TNIK: variants seen among roughly 807,000 people sequenced by gnomAD.
TNIK encodes the protein TRAF2 and NCK-interacting protein kinase.
A neutral mutation model predicts 191.3 loss-of-function variants in TNIK; 49 were observed. That is an observed-to-expected ratio of 0.26 (90% CI 0.20 to 0.32). The LOEUF (loss-of-function observed/expected upper bound fraction) is 0.32. TNIK is among the 10% of genes least tolerant of loss of function. The pLI is 1.00. For synonymous variants in TNIK, 594 were observed against 600.9 expected, an observed-to-expected ratio of 0.99 and a Z score of 0.17; for missense variants, 1,155 against 1,702.3, an observed-to-expected ratio of 0.68 and a Z score of 5.66.
chr3:171,129,728 G>A (rs532492017), intron 15 of TNIK, among the ~76,000 whole-genome samples: 4 of 152,278 alleles, frequency 2.6e-5, no homozygotes, highest in South Asian at 2.1e-4. Flanking sequence ...AGGGCTTCAC[G>A]GGAAATGCTG....
At chr3:171,076,339 G>A (rs1719934261) in intron 28 of TNIK, among the ~76,000 whole-genome samples, 1 of 152,112 alleles carries the variant, frequency 6.6e-6, no homozygotes, top group South Asian at 2.1e-4. Context: ...ATACACTGAA[G>A]TTCTTTCTTT....
intron 8 of TNIK, 90 bp downstream of exon 8, chr3:171,177,236 G>A (rs1736075039): frequency 7.2e-7 from 1 of 1,386,178 alleles, no homozygotes; most frequent in African/African-American, 1.4e-5. Context: ...CGGTGTAGTG[G>A]AAGTAAAGCA....
intron 2 of TNIK, among the ~76,000 whole-genome samples, chr3:171,359,519 C>T (rs1714658380): frequency 6.6e-6 from 1 of 152,116 alleles, no homozygotes; most frequent in South Asian, 2.1e-4. Context: ...TGTGCTTCTC[C>T]TTGCAAAGTG....
intron 1 of TNIK, among the ~76,000 whole-genome samples, chr3:171,372,816 C>T (rs1361935578): frequency 1.3e-5 from 2 of 152,296 alleles, no homozygotes; most frequent in East Asian, 1.9e-4. Context: ...ACACTACAAG[C>T]ACCATGGCTA....
At chr3:171,239,415 T>C (rs1433170298) in intron 2 of TNIK, among the ~76,000 whole-genome samples, 1 of 152,126 alleles carries the variant, frequency 6.6e-6, no homozygotes, top group Admixed American at 6.5e-5. Flanking sequence ...TTAGAAAAAA[T>C]AAATGAGCAG....
intron 3 of TNIK, among the ~76,000 whole-genome samples, chr3:171,214,771 A>G (rs1161661128): frequency 6.6e-6 from 1 of 152,078 alleles, no homozygotes; most frequent in East Asian, 1.9e-4. Flanking sequence ...TGGCATTTAA[A>G]CTCTCCAAAT....
chr3:171,228,720 G>A (rs1743250435), intron 2 of TNIK, among the ~76,000 whole-genome samples: 2 of 152,104 alleles, frequency 1.3e-5, no homozygotes, highest in South Asian at 4.1e-4. Flanking sequence ...AAAACAGATA[G>A]CAATCAATCC....
chr3:171,283,834 A>G (rs1750736680), intron 2 of TNIK, among the ~76,000 whole-genome samples: 1 of 152,222 alleles, frequency 6.6e-6, no homozygotes, highest in South Asian at 2.1e-4. Flanking sequence ...CAAGCAGAAC[A>G]ATCTCCTCAG....
At position 171,207,742 on chromosome 3, in the gene TNIK, CAAAGATAT is replaced by C. The variant is rs1212861071; in HGVS notation, c.306+3366_306+3373del. Among the ~76,000 whole-genome samples the C allele has an allele frequency of 1.3e-5, 2 of 152,142 alleles. 1 individual carries two copies. Among genetic ancestry groups the C allele is most frequent in the African/African-American group, 4.8e-5 (2 of 41,430 alleles). The stretch of plus-strand genomic sequence containing the variant: ...ACAATGTAGAAGTCCTTTGGAAACA[CAAAGATAT>C]GTTAACTCATGCCACCCCATCATAT... On this transcript the variant is annotated intron_variant, in intron 4 of 32. Coordinates refer to ENST00000436636, the MANE Select transcript of TNIK (RefSeq NM_015028.4).
At chr3:171,108,892 T>C (rs1725393032) in intron 19 of TNIK, among the ~76,000 whole-genome samples, 2 of 152,126 alleles carry the variant, frequency 1.3e-5, no homozygotes, top group Non-Finnish European at 2.9e-5. Flanking sequence ...ATAGCATCTT[T>C]GCAGTCTATG....
rs1015702674 is a variant in TNIK at position 171,366,256 on chromosome 3, C to T, written c.123+3364G>A. Among the ~76,000 whole-genome samples, 39 of 151,902 alleles carry T rather than the reference C, an allele frequency of 2.6e-4. No individual in the cohort carries two copies. Among genetic ancestry groups the T allele is most frequent in the African/African-American group, 9.2e-4 (38 of 41,334 alleles). On this transcript the variant is annotated intron_variant, in intron 2 of 32. Transcript: ENST00000436636. This position sits in a 1 kb window ranked among gnomAD's most constrained non-coding sequence, Gnocchi z 4.1. ...TTCTTTATTATTTACCTATGCTCCT[C>T]GGTAAATAAAGCAAAAAACAGACAT...
intron 4 of TNIK, among the ~76,000 whole-genome samples, chr3:171,199,648 G>T (rs752858421): frequency 5.3e-5 from 8 of 152,152 alleles, no homozygotes; most frequent in Non-Finnish European, 1.0e-4. Context: ...GTGAAAGCAC[G>T]TTGCTCTCTC....
chr3:171,148,669 C>T (rs1731973901), intron 12 of TNIK, among the ~76,000 whole-genome samples: 1 of 152,102 alleles, frequency 6.6e-6, no homozygotes, highest in Non-Finnish European at 1.5e-5. Context: ...ACTAAAGATG[C>T]TAACTTATAC....
intron 4 of TNIK, among the ~76,000 whole-genome samples, chr3:171,206,078 T>C (rs1025371820): frequency 6.6e-6 from 1 of 152,170 alleles, no homozygotes; most frequent in South Asian, 2.1e-4. Context: ...GCTTCCAGCA[T>C]CCTCTGTAAT....
intron 3 of TNIK, among the ~76,000 whole-genome samples, chr3:171,217,688 C>T (rs1204078114): frequency 1.3e-5 from 2 of 152,116 alleles, no homozygotes; most frequent in Non-Finnish European, 2.9e-5. Context: ...AAGCTTACTA[C>T]AGTTTAGTGG....
At chr3:171,065,633 T>C (rs187841971) in intron 32 of TNIK, among the ~76,000 whole-genome samples, 29 of 152,312 alleles carry the variant, frequency 1.9e-4, no homozygotes, top group Middle Eastern at 6.8e-3. Context: ...CCAATTTCAC[T>C]GGAAAACAGT....
chr3:171,254,540 A>T (rs936219106), intron 2 of TNIK, among the ~76,000 whole-genome samples: 2 of 152,222 alleles, frequency 1.3e-5, no homozygotes, highest in African/African-American at 4.8e-5. Context: ...TGTTAGATAC[A>T]AGCATCACCC....
At chr3:171,198,741 A>G (rs1560250517) in intron 4 of TNIK, among the ~76,000 whole-genome samples, 1 of 152,200 alleles carries the variant, frequency 6.6e-6, no homozygotes, top group African/African-American at 2.4e-5. Flanking sequence ...TCCACAATAC[A>G]AAGTTAAAGA....
At chr3:171,435,761 A>C (rs1486725109) in intron 1 of TNIK, among the ~76,000 whole-genome samples, 1 of 152,210 alleles carries the variant, frequency 6.6e-6, no homozygotes, top group Admixed American at 6.5e-5. Flanking sequence ...GTTAATTAGC[A>C]ATTTTTAGGG....
Sources: gnomAD v4.1 joint callset for allele counts (sites outside exome capture counted in the v4.1 genomes callset) on GRCh38, gnomAD v4.1.1 for gene constraint, Gnocchi (gnomAD v3.1) non-coding constraint, MANE v1.5 for transcripts, NCBI Gene and HGNC (gene_info 2026-07-23, HGNC 2026-07-21) for gene names.